The following PABPC4 variants were observed in gnomAD, a reference collection of about 807,000 sequenced individuals.
PABPC4 encodes the protein poly(A) binding protein cytoplasmic 4, also known as polyadenylate-binding protein 4.
PABPC4 carries 15 observed loss-of-function variants against 74.5 expected under a neutral mutation model. The observed-to-expected ratio is 0.20, with a 90% confidence interval of 0.13 to 0.31. The LOEUF is 0.31. PABPC4 is among the 10% of genes least tolerant of loss of function. The pLI is 1.00. For missense variants in PABPC4, 610 were observed against 853.5 expected, an observed-to-expected ratio of 0.71 and a Z score of 3.55; for synonymous variants, 345 against 303.0, an observed-to-expected ratio of 1.14 and a Z score of -1.44.
intron 3 of PABPC4, among the ~76,000 whole-genome samples, 176 bp from the exon 4 acceptor site, chr1:39,570,178 A>G (rs1187215046): frequency 6.6e-6 from 1 of 152,238 alleles, no homozygotes; most frequent in South Asian, 2.1e-4. Context: ...AAAAGGCAGG[A>G]CTATCCTGTG....
chr1:39,565,017 T>A (rs957919568), intron 8 of PABPC4, 89 bp downstream of exon 8: 41 of 1,393,800 alleles, frequency 2.9e-5, no homozygotes, highest in South Asian at 3.7e-5. Context: ...ATTCTAGAAC[T>A]CTAATAACGA....
intron 10 of PABPC4, 81 bp downstream of exon 10, chr1:39,564,342 A>C: frequency 6.5e-7 from 1 of 1,530,098 alleles, no homozygotes; most frequent in Admixed American, 2.0e-5. Flanking sequence ...CGAGCCCAAC[A>C]AACTGACCAA....
chr1:39,574,116 A>T (rs1400656689), intron 1 of PABPC4, among the ~76,000 whole-genome samples: 1 of 152,124 alleles, frequency 6.6e-6, no homozygotes, highest in Non-Finnish European at 1.5e-5. Context: ...AGCCGGGAGA[A>T]TTTATTTTCA....
In PABPC4 at chr1:39,572,423, A is replaced by G. The variant is rs374626447; in HGVS notation, c.357T>C (p.Phe119=). ...SIDNKALYDT[F]SAFGNILSCK... ...AGGACAGTATGTTTCCAAAAGCAGA[A>G]AAAGTATCATAAAGTGCCTTGTTAT... Residue 119 remains phenylalanine (F), a synonymous_variant, in exon 2 of 16, where the codon TTT becomes TTC. Coordinates refer to ENST00000372858, the MANE Select transcript of PABPC4 (RefSeq NM_001135653.2). The G allele has an allele frequency of 1.2e-6, 2 of 1,613,772 alleles. No individual in the cohort carries two copies. Among genetic ancestry groups the G allele is most frequent in the Non-Finnish European group, 1.7e-6 (2 of 1,179,762 alleles).
chr1:39,569,076 A>C, intron 5 of PABPC4, 137 bp from the exon 6 acceptor site: 2 of 850,650 alleles, frequency 2.4e-6, no homozygotes, highest in South Asian at 3.5e-5. Flanking sequence ...CTGTCACACA[A>C]ATCCAAACTT....
chr1:39,566,608 G>C (rs950458479), intron 7 of PABPC4, among the ~76,000 whole-genome samples: 4 of 152,210 alleles, frequency 2.6e-5, no homozygotes. Context: ...GCCTCCTGAA[G>C]TGGAGGATAG....
chr1:39,564,481 C>T lies in PABPC4; in HGVS notation c.1395G>A (p.Leu465=). 6.2e-7 allele frequency: 1 copy of T among 1,614,220 alleles called. No homozygotes were observed. Among genetic ancestry groups the T allele is most frequent in the Non-Finnish European group, 8.5e-7 (1 of 1,180,038 alleles). ...QSGPRPTLRH[L]APTGNAPASR... The stretch of plus-strand genomic sequence containing the variant: ...AGGCCGGAGCATTACCAGTTGGAGC[C>T]AGATGGCGAAGAGTTGGACGAGGCC... The change falls in exon 10 of 16, where the codon CTG becomes CTA. Residue 465 remains leucine (L), a synonymous_variant. Coordinates refer to ENST00000372858, the MANE Select transcript of PABPC4 (RefSeq NM_001135653.2).
At chr1:39,561,989 T>C in intron 14 of PABPC4, 84 bp downstream of exon 14, 1 of 1,497,118 alleles carries the variant, frequency 6.7e-7, no homozygotes, top group Non-Finnish European at 9.1e-7. Flanking sequence ...CAGATCCCAC[T>C]TTCTGCTGCA....
In PABPC4 at chr1:39,562,402, C is replaced by T. The variant is rs143270321; in HGVS notation, c.1683G>A (p.Ala561=). 34 of 1,613,532 alleles carry T rather than the reference C, an allele frequency of 2.1e-5. No individual in the cohort carries two copies. The highest frequency in any genetic ancestry group is 1.3e-4 in the South Asian group (12 of 91,044). ...AIQPLQAPQP[A]VHVQGQEPLT... ...GTGGCTCCTGCCCCTGCACATGGAC[C>T]GCAGGCTGGGGTGCCTGGGAACCAG... The change falls in exon 13 of 16, where the codon GCG becomes GCA. Residue 561 remains alanine (A), a synonymous_variant. Transcript: ENST00000372858.
chr1:39,561,585 G>A (rs1645770518), intron 15 of PABPC4, 100 bp downstream of exon 15: 7 of 772,136 alleles, frequency 9.1e-6, no homozygotes, highest in Middle Eastern at 3.8e-4. Flanking sequence ...TATTCCCAGA[G>A]CTAAGCAGTG....
chr1:39,565,549 G>T (rs1645823994), intron 7 of PABPC4, among the ~76,000 whole-genome samples, 171 bp from the exon 8 acceptor site: 1 of 151,792 alleles, frequency 6.6e-6, no homozygotes, highest in Non-Finnish European at 1.5e-5. Context: ...AAAACAAAGG[G>T]CCAGGCGCAG....
At chr1:39,575,647 G>T in intron 1 of PABPC4, 112 bp downstream of exon 1, 1 of 814,592 alleles carries the variant, frequency 1.2e-6, no homozygotes, top group Non-Finnish European at 1.8e-6. Context: ...TCCCAGCTTC[G>T]GTGGCAACAT....
rs753944079 is a variant in PABPC4, at chr1:39,569,584, G to A, written c.738+11C>T. 6.2e-7 allele frequency: 1 copy of A among 1,604,080 alleles called. No individual in the cohort carries two copies. Among genetic ancestry groups the A allele is most frequent in the Non-Finnish European group, 8.5e-7 (1 of 1,170,826 alleles). On this transcript the variant is annotated intron_variant, in intron 5 of 15. Coordinates refer to ENST00000372858, the MANE Select transcript of PABPC4 (RefSeq NM_001135653.2). The stretch of plus-strand genomic sequence containing the variant: ...CTTAAAAGCTTTTCCCAATCTTTGT[G>A]GTATACTCACCTTATTGGCATCCTC...
chr1:39,563,398 A>T (rs912658505), intron 12 of PABPC4: 1 of 557,440 alleles, frequency 1.8e-6, no homozygotes, highest in Non-Finnish European at 3.1e-6. Context: ...GCCCGCTCTG[A>T]GGCATTTCTG....
At position 39,572,412 on chromosome 1, in the gene PABPC4, C is replaced by T; in HGVS notation, c.368G>A (p.Gly123Glu). 1 of 1,612,926 alleles carries T rather than the reference C, an allele frequency of 6.2e-7. No individual in the cohort carries two copies. The highest frequency in any genetic ancestry group is 8.5e-7 in the Non-Finnish European group (1 of 1,179,006). ...GTTTACCTTGCAGGACAGTATGTTTCCAAAAGCAGAAAAAGTATCATAAAG... is the reference window on the plus strand; with the variant it reads ...GTTTACCTTGCAGGACAGTATGTTTTCAAAAGCAGAAAAAGTATCATAAAG... ...KALYDTFSAFGNILSCKVVCD... is the reference protein window; with the variant it reads ...KALYDTFSAFENILSCKVVCD... Residue 123 changes from glycine to glutamate, a missense_variant, in exon 2 of 16, where the codon GGA becomes GAA. Transcript: ENST00000372858.
intron 2 of PABPC4, 56 bp downstream of exon 2, chr1:39,572,337 T>C (rs1382446574): frequency 3.9e-6 from 5 of 1,292,682 alleles, no homozygotes; most frequent in Non-Finnish European, 5.5e-6. Context: ...TTGGTATTTA[T>C]CTTGTTTTCA....
chr1:39,568,844 C>T lies in PABPC4; in HGVS notation c.834G>A (p.Arg278=). ...TCTCCTGTTTCAACTGTTCAAATTT[C>T]CGTTTTAACTCTGCCTGCCGTTCTA... The part of the protein sequence containing the change: ...KKVERQAELK[R]KFEQLKQERI... The change falls in exon 6 of 16, where the codon CGG becomes CGA. Residue 278 remains arginine, a synonymous_variant. Coordinates refer to ENST00000372858, the MANE Select transcript of PABPC4 (RefSeq NM_001135653.2). 1 of 1,614,120 alleles carries T rather than the reference C, an allele frequency of 6.2e-7. No individual in the cohort carries two copies. Among genetic ancestry groups the T allele is most frequent in the Non-Finnish European group, 8.5e-7 (1 of 1,180,014 alleles).
In PABPC4 at chr1:39,565,329, G is replaced by A; in HGVS notation, c.1022C>T (p.Ser341Leu). The A allele has an allele frequency of 6.2e-7, 1 of 1,613,868 alleles. No individual in the cohort carries two copies. The highest frequency in any genetic ancestry group is 8.5e-7 in the Non-Finnish European group (1 of 1,179,932). ...RSKGFGFVCFSSPEEATKAVT... is the reference protein window; with the variant it reads ...RSKGFGFVCFLSPEEATKAVT... ...TGCTTTGGTTGCTTCTTCAGGAGAT[G>A]AGAAGCAGACGAAGCCAAACCCTTT... Residue 341 changes from serine to leucine, a missense_variant, in exon 8 of 16, where the codon TCA becomes TTA. Ser to Leu is a moderately radical substitution (Grantham distance 145). Transcript: ENST00000372858.
At chr1:39,571,392 TC>T in intron 2 of PABPC4, 43 bp from the exon 3 acceptor site, 1 of 1,609,896 alleles carries the variant, frequency 6.2e-7, no homozygotes. Flanking sequence ...ACTGGCCAGC[TC>T]CTGAGACATG....
Sources: allele counts gnomAD v4.1 joint callset (sites outside exome capture counted in the v4.1 genomes callset), GRCh38; gene constraint gnomAD v4.1.1; transcripts MANE v1.5; gene names NCBI Gene and HGNC (gene_info 2026-07-23, HGNC 2026-07-21).